The following GRM8 variants were observed in gnomAD, a reference collection of about 807,000 sequenced individuals.
GRM8 encodes metabotropic glutamate receptor 8.
In GRM8, 47 loss-of-function variants were observed where a neutral mutation model predicts 87.2. That is an observed-to-expected ratio of 0.54 (90% CI 0.43 to 0.69). The LOEUF (loss-of-function observed/expected upper bound fraction) is 0.69. GRM8 is among the 30% of genes least tolerant of loss of function. The pLI, the probability that GRM8 is intolerant of heterozygous loss-of-function variation, is 0.00. For synonymous variants in GRM8, 396 were observed against 404.5 expected, an observed-to-expected ratio of 0.98 and a Z score of 0.25; for missense variants, 1,019 against 1,139.2, an observed-to-expected ratio of 0.89 and a Z score of 1.52.
chr7:127,070,255 T>A (rs1454359621), intron 3 of GRM8, among the ~76,000 whole-genome samples: 1 of 152,236 alleles, frequency 6.6e-6, no homozygotes, highest in African/African-American at 2.4e-5. Context: ...TCGACAAGTG[T>A]GCTTGTTTCT....
intron 7 of GRM8, among the ~76,000 whole-genome samples, chr7:126,718,210 T>C (rs562676023): frequency 9.2e-5 from 14 of 152,116 alleles, no homozygotes; most frequent in Non-Finnish European, 1.9e-4. Context: ...GCACTCAGTG[T>C]GACAGAGTGA....
intron 2 of GRM8, among the ~76,000 whole-genome samples, chr7:127,162,941 A>C (rs1793207463): frequency 1.3e-5 from 2 of 152,086 alleles, no homozygotes; most frequent in Non-Finnish European, 2.9e-5. Context: ...ACTCCTTATC[A>C]CTGTTCACAG....
intron 8 of GRM8, among the ~76,000 whole-genome samples, chr7:126,557,898 C>A (rs894639173): frequency 6.6e-6 from 1 of 151,974 alleles, no homozygotes; most frequent in African/African-American, 2.4e-5. Flanking sequence ...TAAAGATGTA[C>A]TTTAAGTTTG....
chr7:127,178,484 C>A (rs1794243491), intron 2 of GRM8, among the ~76,000 whole-genome samples: 1 of 152,144 alleles, frequency 6.6e-6, no homozygotes, highest in Non-Finnish European at 1.5e-5. Context: ...CACATCCACA[C>A]ACAAGAAGTA....
At chr7:126,698,392 G>A (rs934766559) in intron 7 of GRM8, among the ~76,000 whole-genome samples, 1 of 152,084 alleles carries the variant, frequency 6.6e-6, no homozygotes, top group African/African-American at 2.4e-5. Context: ...AAGAAAAAAT[G>A]ATGCTTATCT....
intron 3 of GRM8, among the ~76,000 whole-genome samples, chr7:127,064,525 A>G (rs567064072): frequency 6.6e-6 from 1 of 152,208 alleles, no homozygotes; most frequent in South Asian, 2.1e-4. Flanking sequence ...TACACATGAG[A>G]TGAGTTTCTT....
chr7:126,580,536 T>C (rs928953515), intron 8 of GRM8, among the ~76,000 whole-genome samples: 9 of 152,154 alleles, frequency 5.9e-5, no homozygotes, highest in Admixed American at 5.9e-4. Context: ...GTCTCCCATA[T>C]CCAATCAGTC....
chr7:126,571,445 C>G (rs1404325915), intron 8 of GRM8, among the ~76,000 whole-genome samples: 1 of 152,120 alleles, frequency 6.6e-6, no homozygotes, highest in African/African-American at 2.4e-5. Flanking sequence ...ATATACAGGA[C>G]AAGGATGGGA....
chr7:126,480,148 G>A (rs1434112446), intron 9 of GRM8, among the ~76,000 whole-genome samples: 2 of 152,116 alleles, frequency 1.3e-5, no homozygotes, highest in Non-Finnish European at 1.5e-5. Context: ...ACTTTGGGAG[G>A]CAGAGGCAGA....
Position 126,533,733 on chromosome 7 carries a change from T to G in GRM8, c.1649A>C (p.Glu550Ala). ...CAGAGGGCAAAGTTCACAGGACAGCTCATCCACCTGGTAGTTGTAACCTTC... is the reference window on the plus strand; with the variant it reads ...CAGAGGGCAAAGTTCACAGGACAGCGCATCCACCTGGTAGTTGTAACCTTC... ...RCEGYNYQVD[E>A]LSCELCPLDQ... The change falls in exon 9 of 11, where the codon GAG (glutamate) becomes GCG (alanine). Residue 550 changes from glutamate (E) to alanine (A), a missense_variant. Glu to Ala is a moderately radical substitution (Grantham distance 107). Coordinates refer to ENST00000339582, the MANE Select transcript of GRM8 (RefSeq NM_000845.3). 6.2e-7 allele frequency: 1 copy of G among 1,614,082 alleles called. No individual in the cohort carries two copies. The highest frequency in any genetic ancestry group is 8.5e-7 in the Non-Finnish European group (1 of 1,179,986).
intron 9 of GRM8, among the ~76,000 whole-genome samples, chr7:126,519,518 TA>T (rs1391121540): frequency 5.3e-5 from 8 of 152,158 alleles, no homozygotes; most frequent in Middle Eastern, 3.4e-3. Flanking sequence ...ATTATCCCTT[TA>T]AAAAAGTCTC....
chr7:126,591,861 A>G (rs1169988979), intron 8 of GRM8, among the ~76,000 whole-genome samples: 1 of 151,792 alleles, frequency 6.6e-6, no homozygotes, highest in East Asian at 1.9e-4. Flanking sequence ...GGAAAAGATT[A>G]ACAAATTTGA....
At chr7:126,999,240 C>CA (rs775010189) in intron 3 of GRM8, among the ~76,000 whole-genome samples, 23 of 151,798 alleles carry the variant, frequency 1.5e-4, no homozygotes, top group Non-Finnish European at 2.4e-4. Flanking sequence ...AAAATCAAAT[C>CA]AAAAGGGATT....
Position 127,175,228 on chromosome 7 carries a change from A to C in GRM8, c.510+67467T>G, listed in dbSNP as rs528804188. On this transcript the variant is annotated intron_variant, in intron 2 of 10. Transcript: ENST00000339582. ...TAGAGATCAAACACTAACAGAACTGAATATGCCTTTTATGGACTCCTCAGT... is the reference window on the plus strand; with the variant it reads ...TAGAGATCAAACACTAACAGAACTGCATATGCCTTTTATGGACTCCTCAGT... 5.4e-4 allele frequency among the ~76,000 whole-genome samples: 82 copies of C among 152,310 alleles called. 3 individuals are homozygous for C. In the South Asian group the frequency reaches 0.017, roughly 32 times the overall value.
chr7:126,763,462 TATATATATATAC>T (rs1255691921), intron 7 of GRM8, among the ~76,000 whole-genome samples: 212 of 64,410 alleles, frequency 3.3e-3, no homozygotes, highest in African/African-American at 4.5e-3. Context: ...TATATATATA[TATATATATATAC>T]ACACACACAC....
chr7:126,863,496 T>C (rs1798315612), intron 6 of GRM8, among the ~76,000 whole-genome samples: 1 of 152,154 alleles, frequency 6.6e-6, no homozygotes, highest in Non-Finnish European at 1.5e-5. Flanking sequence ...CATAGCAAGA[T>C]AAAGTAACTT....
intron 2 of GRM8, among the ~76,000 whole-genome samples, chr7:127,238,726 AT>A (rs987700699): frequency 6.6e-5 from 10 of 152,248 alleles, no homozygotes; most frequent in African/African-American, 2.4e-4. Context: ...AAAGAGGCCC[AT>A]TTTTTTCATT....
intron 7 of GRM8, among the ~76,000 whole-genome samples, chr7:126,653,098 G>C (rs57972217): frequency 0.023 from 3,446 of 151,990 alleles, 118 homozygotes; most frequent in African/African-American, 0.079. Flanking sequence ...TTCAAAAATG[G>C]CCAAAACCAG....
intron 7 of GRM8, among the ~76,000 whole-genome samples, chr7:126,614,281 C>G (rs1379967583): frequency 6.6e-6 from 1 of 152,134 alleles, no homozygotes; most frequent in African/African-American, 2.4e-5. Context: ...TGGAGTGGAC[C>G]TCCAGCAAAC....
Sources: gnomAD v4.1 joint callset for allele counts (sites outside exome capture counted in the v4.1 genomes callset) on GRCh38, gnomAD v4.1.1 for gene constraint, MANE v1.5 for transcripts, NCBI Gene and HGNC (gene_info 2026-07-23, HGNC 2026-07-21) for gene names.